ZNF319: variants seen among roughly 807,000 people sequenced by gnomAD.
The protein encoded by ZNF319 is zinc finger protein 319.
Under a neutral mutation model 46.0 loss-of-function variants are expected in ZNF319, and 15 were observed. The observed-to-expected ratio is 0.33, with a 90% CI of 0.22 to 0.50. The LOEUF (loss-of-function observed/expected upper bound fraction) is 0.50. Among genes scored for constraint, ZNF319 ranks in the 20% least tolerant of loss-of-function variants. The pLI is 0.98. For synonymous variants in ZNF319, 368 were observed against 364.0 expected, an observed-to-expected ratio of 1.01 and a Z score of -0.13; for missense variants, 635 against 807.0, an observed-to-expected ratio of 0.79 and a Z score of 2.58.
chr16:57,996,920 G>A lies in ZNF319; in HGVS notation c.1346C>T (p.Ala449Val), dbSNP rs775803231. 1.2e-5 allele frequency: 19 copies of A among 1,601,154 alleles called. No individual in the cohort carries two copies. In the South Asian group the frequency reaches 1.8e-4, roughly 15 times the overall value. ...RASALQKHQL[A>V]HCAAAEKPLR... ...GGGCTTCTCTGCCGCCGCACAGTGG[G>A]CCAGCTGGTGCTTCTGCAGGGCCGA... Residue 449 changes from alanine (A) to valine (V), a missense_variant, in exon 2 of 2, where the codon GCC becomes GTC. By Grantham distance (64) the Ala-to-Val change is moderately conservative (BLOSUM62 0). Around this residue, in one of 3 missense-constraint regions of ZNF319, gnomAD observed 270 missense variants for 281.4 expected, o/e 0.96. Coordinates refer to ENST00000299237, the MANE Select transcript of ZNF319 (RefSeq NM_020807.3).
Position 57,997,131 on chromosome 16 carries a change from CCTT to C in ZNF319, c.1132_1134del (p.Lys378del). 6.2e-7 allele frequency: 1 copy of C among 1,614,124 alleles called. No homozygotes were observed. Among genetic ancestry groups the C allele is most frequent in the Non-Finnish European group, 8.5e-7 (1 of 1,180,008 alleles). Reference sequence around the variant, plus strand: ...AGCAGGTGGCTGGGCTGCCCAAAGCCCTTCTCACATAGGCCGCATTTGAAGGGC... The same window carrying C: ...AGCAGGTGGCTGGGCTGCCCAAAGCCCTCACATAGGCCGCATTTGAAGGGC... On this transcript the variant is annotated inframe_deletion, in exon 2 of 2. Coordinates refer to ENST00000299237, the MANE Select transcript of ZNF319 (RefSeq NM_020807.3).
rs1963133345 is a variant in ZNF319 at position 58,000,179 on chromosome 16, G to A, written c.-944C>T. Among the ~76,000 whole-genome samples the A allele has an allele frequency of 6.6e-6, 1 of 152,140 alleles. No homozygotes were observed. Among genetic ancestry groups the A allele is most frequent in the Non-Finnish European group, 1.5e-5 (1 of 67,968 alleles). On this transcript the variant is annotated 5_prime_UTR_variant, in exon 1 of 2. Coordinates refer to ENST00000299237, the MANE Select transcript of ZNF319 (RefSeq NM_020807.3). The surrounding 1 kb of genome is among the most constrained non-coding windows in gnomAD (Gnocchi z 4.5). ...GGATGGCCCGGCCGCTGCGACCCGAGGGCGAGCCCCGAGGGCGGCCGGGCT... is the reference window on the plus strand; with the variant it reads ...GGATGGCCCGGCCGCTGCGACCCGAAGGCGAGCCCCGAGGGCGGCCGGGCT...
In ZNF319 at chr16:57,996,559, C is replaced by G. The variant is rs768112226; in HGVS notation, c.1707G>C (p.Ala569=). Residue 569 remains alanine, a synonymous_variant, in exon 2 of 2, where the codon GCG becomes GCC. Transcript: ENST00000299237. ...EHSAQHSAAA[A]AAEGAYQVAA... is the part of the protein sequence containing the mutation. The stretch of plus-strand genomic sequence containing the variant: ...CTACCTGGTAGGCGCCCTCCGCTGC[C>G]GCGGCGGCGGCACTGTGCTGCGCGC... 113 of 1,567,190 alleles carry G rather than the reference C, an allele frequency of 7.2e-5. 1 individual carries two copies. The highest frequency in any genetic ancestry group is 9.4e-5 in the Non-Finnish European group (109 of 1,163,408).
At position 57,996,229 on chromosome 16, in the gene ZNF319, G is replaced by C. The variant is rs1254813644; in HGVS notation, c.*288C>G. The C allele has an allele frequency of 8.6e-6, 4 of 463,208 alleles. No homozygotes were observed. Among genetic ancestry groups the C allele is most frequent in the African/African-American group, 2.0e-5 (1 of 49,862 alleles). The allele number at this position is 463,208 out of a possible 1,614,324, so 28.7% of individuals were successfully genotyped here. A position where few individuals can be genotyped will look rare whatever the true frequency, so the allele number is the denominator to read the frequency against. ...TGGCTCCAGTGCCCCGGAAATAAGG[G>C]GGGTGCTGATGGCTCTCAAGAAAGT... On this transcript the variant is annotated 3_prime_UTR_variant, in exon 2 of 2. Transcript: ENST00000299237.
chr16:57,998,898 C>T (rs1963087171), intron 1 of ZNF319, among the ~76,000 whole-genome samples: 1 of 152,208 alleles, frequency 6.6e-6, no homozygotes, highest in Admixed American at 6.5e-5. Context: ...AGCTCCTCTC[C>T]TGTTGCTACC....
Position 57,997,504 on chromosome 16 carries a change from G to C in ZNF319, c.762C>G (p.Ser254=), listed in dbSNP as rs565378151. 6.2e-7 allele frequency: 1 copy of C among 1,613,890 alleles called. No homozygotes were observed. The highest frequency in any genetic ancestry group is 8.5e-7 in the Non-Finnish European group (1 of 1,179,890). Residue 254 remains serine, a synonymous_variant, in exon 2 of 2, where the codon TCC becomes TCG. Coordinates refer to ENST00000299237, the MANE Select transcript of ZNF319 (RefSeq NM_020807.3). ...AGACTGCGCACTTGTAGGGCCGCTC[G>C]GAGCTGTGCGTGCGCTTGTGGTGCA... The part of the protein sequence containing the change: ...HLVHHKRTHS[S]ERPYKCAVCE...
rs781309375 is a variant in ZNF319 at position 57,996,996 on chromosome 16, C to A, written c.1270G>T (p.Ala424Ser). 1.9e-6 allele frequency: 3 copies of A among 1,606,194 alleles called. No homozygotes were observed. Among genetic ancestry groups the A allele is most frequent in the Admixed American group, 1.7e-5 (1 of 59,964 alleles). The change falls in exon 2 of 2, where the codon GCC (alanine) becomes TCC (serine). Residue 424 changes from alanine to serine, a missense_variant. Physicochemically the swap from Ala to Ser is moderately conservative, Grantham distance 99. Around this residue, in one of 3 missense-constraint regions of ZNF319, gnomAD observed 270 missense variants for 281.4 expected, o/e 0.96. Transcript: ENST00000299237. ...LLRHKCLPGA[A>S]ERPFKCPVCN... ...ACAGGGCACTTGAAGGGCCGCTCGG[C>A]CGCGCCGGGCAGGCACTTGTGCCGC...
Position 57,996,562 on chromosome 16 carries a change from G to A in ZNF319, c.1704C>T (p.Ala568=), listed in dbSNP as rs909377990. Reference sequence around the variant, plus strand: ...CCTGGTAGGCGCCCTCCGCTGCCGCGGCGGCGGCACTGTGCTGCGCGCTGT... The same window carrying A: ...CCTGGTAGGCGCCCTCCGCTGCCGCAGCGGCGGCACTGTGCTGCGCGCTGT... ...QEHSAQHSAA[A]AAAEGAYQVA... is the part of the protein sequence containing the mutation. The change falls in exon 2 of 2, where the codon GCC becomes GCT. Residue 568 remains alanine (A), a synonymous_variant. Transcript: ENST00000299237. The A allele has an allele frequency of 1.0e-5, 16 of 1,571,312 alleles. No homozygotes were observed. The highest frequency in any genetic ancestry group is 1.3e-5 in the Non-Finnish European group (15 of 1,165,386).
rs375631400 is a variant in ZNF319, at chr16:57,996,708, C to T, written c.1558G>A (p.Asp520Asn). The stretch of plus-strand genomic sequence containing the variant: ...TGCTCCCGCTGCTTGAAGGCCTTGT[C>T]GCAGTTGGGGCACTTGTAGGGCTTC... ...GEKPYKCPNC[D>N]KAFKQREHLN... is the part of the protein sequence containing the mutation. Residue 520 changes from aspartate (D) to asparagine (N), a missense_variant, in exon 2 of 2, where the codon GAC becomes AAC. Physicochemically the swap from Asp to Asn is conservative, Grantham distance 23 (BLOSUM62 1). Coordinates refer to ENST00000299237, the MANE Select transcript of ZNF319 (RefSeq NM_020807.3). 31 of 1,612,548 alleles carry T rather than the reference C, an allele frequency of 1.9e-5. No homozygotes were observed. Among genetic ancestry groups the T allele is most frequent in the Non-Finnish European group, 2.5e-5 (30 of 1,179,564 alleles).
In ZNF319 at chr16:57,997,823, G is replaced by A; in HGVS notation, c.443C>T (p.Ala148Val). 1 of 1,612,714 alleles carries A rather than the reference G, an allele frequency of 6.2e-7. No individual in the cohort carries two copies. Among genetic ancestry groups the A allele is most frequent in the Non-Finnish European group, 8.5e-7 (1 of 1,180,038 alleles). ...KMGFSLLTSL[A>V]QHHSSHSGLV... is the part of the protein sequence containing the mutation. ...GCCACTGTGGGAGCTGTGGTGCTGTGCCAGTGAGGTGAGTAGTGAGAAGCC... is the reference window on the plus strand; with the variant it reads ...GCCACTGTGGGAGCTGTGGTGCTGTACCAGTGAGGTGAGTAGTGAGAAGCC... Residue 148 changes from alanine (A) to valine (V), a missense_variant, in exon 2 of 2, where the codon GCA becomes GTA. Coordinates refer to ENST00000299237, the MANE Select transcript of ZNF319 (RefSeq NM_020807.3).
In ZNF319 at chr16:57,997,466, A is replaced by C; in HGVS notation, c.800T>G (p.Phe267Cys). The change falls in exon 2 of 2, where the codon TTC becomes TGC. Residue 267 changes from phenylalanine (F) to cysteine (C), a missense_variant. By Grantham distance (205) the Phe-to-Cys change is radical. Around this residue, in one of 3 missense-constraint regions of ZNF319, gnomAD observed 138 missense variants for 248.0 expected, o/e 0.56. Coordinates refer to ENST00000299237, the MANE Select transcript of ZNF319 (RefSeq NM_020807.3). ...PYKCAVCEKT[F>C]KHRSHLVRHM... The stretch of plus-strand genomic sequence containing the variant: ...GCGCACCAGGTGAGAGCGGTGCTTG[A>C]AGGTCTTCTCGCAGACTGCGCACTT... The C allele has an allele frequency of 6.2e-7, 1 of 1,613,256 alleles. No individual in the cohort carries two copies. The highest frequency in any genetic ancestry group is 1.1e-5 in the South Asian group (1 of 91,068).
At position 57,996,281 on chromosome 16, in the gene ZNF319, T is replaced by A; in HGVS notation, c.*236A>T. On this transcript the variant is annotated 3_prime_UTR_variant, in exon 2 of 2. Coordinates refer to ENST00000299237, the MANE Select transcript of ZNF319 (RefSeq NM_020807.3). ...AATCTTGTCATGGGAAAGAGGTTTGTGGAATCAGGATGGGCCACAGCAATC... is the reference window on the plus strand; with the variant it reads ...AATCTTGTCATGGGAAAGAGGTTTGAGGAATCAGGATGGGCCACAGCAATC... The A allele has an allele frequency of 1.5e-6, 1 of 659,630 alleles. No homozygotes were observed. Among genetic ancestry groups the A allele is most frequent in the Non-Finnish European group, 2.3e-6 (1 of 428,078 alleles). 40.9% of individuals were successfully genotyped at this position (659,630 alleles called of 1,614,324 possible). A position where few individuals can be genotyped will look rare whatever the true frequency, so the allele number is the denominator to read the frequency against.
chr16:57,996,432 C>A lies in ZNF319; in HGVS notation c.*85G>T, dbSNP rs1963014042. ...GCTGGGTGGGGCCCTTGGTGCAAGG[C>A]AGCTGTGAGGAGCTAGGCTGCGCGA... On this transcript the variant is annotated 3_prime_UTR_variant, in exon 2 of 2. Transcript: ENST00000299237. 4.2e-6 allele frequency: 6 copies of A among 1,439,068 alleles called. No individual in the cohort carries two copies. In the East Asian group the frequency reaches 1.2e-4, roughly 30 times the overall value. The allele number at this position is 1,439,068 out of a possible 1,614,324, so 89.1% of individuals were successfully genotyped here. A position where few individuals can be genotyped will look rare whatever the true frequency, so the allele number is the denominator to read the frequency against.
chr16:57,998,043 C>T lies in ZNF319; in HGVS notation c.223G>A (p.Gly75Ser), dbSNP rs1963060802. 1 of 1,610,642 alleles carries T rather than the reference C, an allele frequency of 6.2e-7. No individual in the cohort carries two copies. Among genetic ancestry groups the T allele is most frequent in the Non-Finnish European group, 8.5e-7 (1 of 1,180,022 alleles). ...HAPLQAAGEP[G>S]PKCGVCGHDL... ...TGACCACACACGCCACATTTGGGGC[C>T]TGGCTCTCCTGCTGCCTGCAGGGGT... is the stretch of plus-strand genomic sequence containing the variant. The change falls in exon 2 of 2, where the codon GGC (glycine) becomes AGC (serine). Residue 75 changes from glycine (G) to serine (S), a missense_variant. Gly to Ser is a moderately conservative substitution (Grantham distance 56, BLOSUM62 0). Coordinates refer to ENST00000299237, the MANE Select transcript of ZNF319 (RefSeq NM_020807.3).
rs374167714 is a variant in ZNF319 at position 58,000,052 on chromosome 16, C to T, written c.-817G>A. 6.6e-5 allele frequency among the ~76,000 whole-genome samples: 10 copies of T among 152,312 alleles called. No homozygotes were observed. In the East Asian group the frequency reaches 1.4e-3, roughly 21 times the overall value. ...GGGAGGCCCCCCACCTGCGCCCCACCCCGTCTCTTCTTCCTCCCTGAGAAA... is the reference window on the plus strand; with the variant it reads ...GGGAGGCCCCCCACCTGCGCCCCACTCCGTCTCTTCTTCCTCCCTGAGAAA... On this transcript the variant is annotated 5_prime_UTR_variant, in exon 1 of 2. Transcript: ENST00000299237. The surrounding 1 kb of genome is among the most constrained non-coding windows in gnomAD (Gnocchi z 4.5).
At chr16:57,998,778 T>C (rs1963084796) in intron 1 of ZNF319, among the ~76,000 whole-genome samples, 1 of 151,868 alleles carries the variant, frequency 6.6e-6, no homozygotes. Flanking sequence ...GGCCAGGACA[T>C]CCCAGCCTCC....
In ZNF319 at chr16:57,998,208, G is replaced by T; in HGVS notation, c.58C>A (p.Gln20Lys). Residue 20 changes from glutamine (Q) to lysine (K), a missense_variant, in exon 2 of 2, where the codon CAG becomes AAG. Transcript: ENST00000299237. Reference protein sequence around the residue: ...QTQPQQPQPPQPQHHAEPPPA... With the variant: ...QTQPQQPQPPKPQHHAEPPPA... ...GGTGGCTCTGCATGGTGCTGAGGCT[G>T]CGGTGGCTGTGGCTGCTGCGGCTGC... The T allele has an allele frequency of 6.5e-7, 1 of 1,538,338 alleles. No individual in the cohort carries two copies. Among genetic ancestry groups the T allele is most frequent in the Non-Finnish European group, 8.8e-7 (1 of 1,142,376 alleles).
chr16:57,998,522 T>C lies in ZNF319; in HGVS notation c.-257A>G, dbSNP rs554931871. On this transcript the variant is annotated splice_region_variant and 5_prime_UTR_variant, in exon 2 of 2. Transcript: ENST00000299237. ...GACTCTGCCTTCCCCAGTGATCCGT[T>C]CTGTAGAGAAGAGAGAAAGTATGAG... 2.2e-6 allele frequency: 1 copy of C among 464,550 alleles called. No homozygotes were observed. The highest frequency in any genetic ancestry group is 1.9e-5 in the African/African-American group (1 of 51,330). The allele number at this position is 464,550 out of a possible 1,614,324, so 28.8% of individuals were successfully genotyped here.
rs1963013111 is a variant in ZNF319, at chr16:57,996,362, G to A, written c.*155C>T. 10 of 1,397,378 alleles carry A rather than the reference G, an allele frequency of 7.2e-6. No individual in the cohort carries two copies. Among genetic ancestry groups the A allele is most frequent in the Middle Eastern group, 2.6e-4 (1 of 3,818 alleles). The allele number at this position is 1,397,378 out of a possible 1,614,324, so 86.6% of individuals were successfully genotyped here. On this transcript the variant is annotated 3_prime_UTR_variant, in exon 2 of 2. Transcript: ENST00000299237. ...AGTACGAGCGGCACACCCTCTCCCTGCCTCATACCCCTGCGTCCTCACTCC... is the reference window on the plus strand; with the variant it reads ...AGTACGAGCGGCACACCCTCTCCCTACCTCATACCCCTGCGTCCTCACTCC...
Sources: allele counts gnomAD v4.1 joint callset (sites outside exome capture counted in the v4.1 genomes callset), GRCh38; gene constraint gnomAD v4.1.1; regional missense constraint gnomAD v4.1.1; non-coding constraint Gnocchi (gnomAD v3.1); transcripts MANE v1.5; gene names NCBI Gene and HGNC (gene_info 2026-07-23, HGNC 2026-07-21).